The following PTPRN2 variants were observed in gnomAD, a reference collection of about 807,000 sequenced individuals.
PTPRN2 encodes receptor-type tyrosine-protein phosphatase N2.
In PTPRN2, 74 loss-of-function variants were observed where a neutral mutation model predicts 118.8. The observed-to-expected ratio is 0.62, with a 90% CI of 0.52 to 0.76. The LOEUF (loss-of-function observed/expected upper bound fraction) is 0.76. Among genes scored for constraint, PTPRN2 ranks in the 30% least tolerant of loss-of-function variants. The pLI is 0.00. For missense variants in PTPRN2, 1,481 were observed against 1,394.4 expected (o/e 1.06, Z -0.99); for synonymous variants, 641 against 608.0 (o/e 1.05, Z -0.80).
chr7:158,448,153 C>A (rs185666822), intron 2 of PTPRN2, among the ~76,000 whole-genome samples: 66 of 152,332 alleles, frequency 4.3e-4, no homozygotes, highest in African/African-American at 1.5e-3. Context: ...AGGCCACAGG[C>A]CAGGTCGGCA....
At chr7:158,108,506 C>G (rs1815882276) in intron 10 of PTPRN2, among the ~76,000 whole-genome samples, 2 of 152,218 alleles carry the variant, frequency 1.3e-5, no homozygotes, top group South Asian at 4.1e-4. Context: ...CCCAGCAGCC[C>G]TGGCATGTAT....
chr7:158,345,925 CCTCA>C (rs1259577932), intron 2 of PTPRN2, among the ~76,000 whole-genome samples: 6 of 152,092 alleles, frequency 3.9e-5, no homozygotes, highest in African/African-American at 1.2e-4. Context: ...ATGAGAACTC[CCTCA>C]CTATCACGAG....
chr7:158,047,362 A>C (rs1808956628), intron 11 of PTPRN2, among the ~76,000 whole-genome samples: 4 of 152,252 alleles, frequency 2.6e-5, no homozygotes, highest in Admixed American at 2.6e-4. Flanking sequence ...AGGAGTATAC[A>C]CACATCATGT....
At chr7:158,128,670 T>G (rs1261390033) in intron 9 of PTPRN2, among the ~76,000 whole-genome samples, 1 of 152,108 alleles carries the variant, frequency 6.6e-6, no homozygotes, top group African/African-American at 2.4e-5. Flanking sequence ...TGGCACAGGA[T>G]TGTCGGCTCT....
chr7:157,952,176 G>A (rs551326504), intron 11 of PTPRN2, among the ~76,000 whole-genome samples: 1 of 152,288 alleles, frequency 6.6e-6, no homozygotes, highest in Non-Finnish European at 1.5e-5. Flanking sequence ...CCAGGCCCTG[G>A]GAGCCCCCCA....
intron 12 of PTPRN2, among the ~76,000 whole-genome samples, chr7:157,708,765 C>T (rs535361838): frequency 7.2e-5 from 11 of 152,316 alleles, no homozygotes; most frequent in Non-Finnish European, 1.0e-4. Context: ...GTGAGACTTA[C>T]GGGTCCATAA....
intron 11 of PTPRN2, among the ~76,000 whole-genome samples, chr7:158,046,282 C>A (rs1196391757): frequency 3.4e-5 from 5 of 146,064 alleles, no homozygotes; most frequent in African/African-American, 1.3e-4. Context: ...GGAGCAGAAA[C>A]TGCGATCCTG....
At chr7:158,306,859 T>TTTTTG (rs1801331378) in intron 3 of PTPRN2, among the ~76,000 whole-genome samples, 1 of 136,230 alleles carries the variant, frequency 7.3e-6, no homozygotes. Flanking sequence ...TTTTTTGTTT[T>TTTTTG]TTTTTTTTTT....
intron 12 of PTPRN2, among the ~76,000 whole-genome samples, chr7:157,689,100 A>ACCG (rs1287012134): frequency 6.6e-6 from 1 of 152,080 alleles, no homozygotes; most frequent in African/African-American, 2.4e-5. Context: ...CGCAGCCGCC[A>ACCG]CCGCCGCCGT....
intron 3 of PTPRN2, among the ~76,000 whole-genome samples, chr7:158,304,645 G>A (rs2151056909): frequency 6.6e-6 from 1 of 152,346 alleles, no homozygotes; most frequent in South Asian, 2.1e-4. Flanking sequence ...GGTCTTCCAG[G>A]GCATAGGTGA....
In PTPRN2 at chr7:158,526,644, A is replaced by C. The variant is rs2129448435; in HGVS notation, c.113-36859T>G. Among the ~76,000 whole-genome samples, 1 of 152,124 alleles carries C rather than the reference A, an allele frequency of 6.6e-6. No homozygotes were observed. The highest frequency in any genetic ancestry group is 2.1e-4 in the South Asian group (1 of 4,812). On this transcript the variant is annotated intron_variant, in intron 1 of 22. Coordinates refer to ENST00000389418, the MANE Select transcript of PTPRN2 (RefSeq NM_002847.5). This position sits in a 1 kb window ranked among gnomAD's most constrained non-coding sequence, Gnocchi z 5.2. ...GGACTGTATTTGGAGATGGGTCTTGAAAGAGGTGATTTCAGTAAAACGAGG... is the reference window on the plus strand; with the variant it reads ...GGACTGTATTTGGAGATGGGTCTTGCAAGAGGTGATTTCAGTAAAACGAGG...
intron 12 of PTPRN2, among the ~76,000 whole-genome samples, chr7:157,746,301 C>G (rs988338737): frequency 1.3e-5 from 2 of 151,868 alleles, no homozygotes; most frequent in Non-Finnish European, 2.9e-5. Flanking sequence ...CCCCTAGACC[C>G]TACAGTCCTC....
At chr7:158,445,823 C>T (rs1281774018) in intron 2 of PTPRN2, among the ~76,000 whole-genome samples, 1 of 152,256 alleles carries the variant, frequency 6.6e-6, no homozygotes, top group Admixed American at 6.5e-5. Flanking sequence ...AGCCACAGAG[C>T]AGCAGACGCA....
intron 2 of PTPRN2, among the ~76,000 whole-genome samples, chr7:158,391,225 C>A (rs1389563212): frequency 6.6e-6 from 1 of 152,248 alleles, no homozygotes; most frequent in Non-Finnish European, 1.5e-5. Flanking sequence ...ACTTCCATTC[C>A]CTGGAGGGAC....
At position 158,525,919 on chromosome 7, in the gene PTPRN2, C is replaced by T. The variant is rs1824742563; in HGVS notation, c.113-36134G>A. ...CTGTCCCAGAGCCCTGACAGGAAGA[C>T]CCAAGCTCTCCTGAAGCCTTAGGGT... On this transcript the variant is annotated intron_variant, in intron 1 of 22. Transcript: ENST00000389418. This position sits in a 1 kb window ranked among gnomAD's most constrained non-coding sequence, Gnocchi z 4.1. Among the ~76,000 whole-genome samples the T allele has an allele frequency of 6.6e-6, 1 of 152,202 alleles. No individual in the cohort carries two copies. Among genetic ancestry groups the T allele is most frequent in the Non-Finnish European group, 1.5e-5 (1 of 68,030 alleles).
chr7:157,589,122 C>T (rs969184013), intron 17 of PTPRN2, among the ~76,000 whole-genome samples: 3 of 152,210 alleles, frequency 2.0e-5, no homozygotes, highest in Non-Finnish European at 4.4e-5. Context: ...ACTGTCCCCT[C>T]CCTGAGCCCC....
At chr7:158,476,086 C>G (rs1638891686) in intron 2 of PTPRN2, among the ~76,000 whole-genome samples, 1 of 152,188 alleles carries the variant, frequency 6.6e-6, no homozygotes, top group Non-Finnish European at 1.5e-5. Flanking sequence ...ATCACTGCAA[C>G]CTCCTCTTCC....
intron 11 of PTPRN2, among the ~76,000 whole-genome samples, chr7:157,989,526 T>C (rs1804081147): frequency 6.6e-6 from 1 of 151,838 alleles, no homozygotes; most frequent in South Asian, 2.1e-4. Context: ...GGGGGCACCA[T>C]CTGTGGCTGG....
intron 6 of PTPRN2, among the ~76,000 whole-genome samples, chr7:158,143,919 G>A (rs952763281): frequency 1.3e-5 from 2 of 152,134 alleles, no homozygotes; most frequent in Non-Finnish European, 2.9e-5. Flanking sequence ...CTCCCAGGCA[G>A]CAGAGTGGCC....
Sources: gnomAD v4.1 joint callset for allele counts (sites outside exome capture counted in the v4.1 genomes callset) on GRCh38, gnomAD v4.1.1 for gene constraint, Gnocchi (gnomAD v3.1) non-coding constraint, MANE v1.5 for transcripts, NCBI Gene and HGNC (gene_info 2026-07-23, HGNC 2026-07-21) for gene names.